Variants in TSGA10 observed in about 807,000 individuals in gnomAD.
TSGA10 encodes testis-specific gene 10 protein.
TSGA10 carries 43 observed loss-of-function variants against 96.6 expected under a neutral mutation model. The observed-to-expected ratio is 0.44, with a 90% CI of 0.35 to 0.57. The LOEUF (loss-of-function observed/expected upper bound fraction) is 0.57. TSGA10 is among the 20% of genes least tolerant of loss of function. TSGA10 has a pLI of 0.01. For synonymous variants in TSGA10, 229 were observed against 269.9 expected, an observed-to-expected ratio of 0.85 and a Z score of 1.48; for missense variants, 703 against 834.4, an observed-to-expected ratio of 0.84 and a Z score of 1.94.
At position 99,101,996 on chromosome 2, in the gene TSGA10, T is replaced by A. The variant is rs2090809267; in HGVS notation, c.611+1971A>T. On this transcript the variant is annotated intron_variant, in intron 10 of 20. Transcript: ENST00000393483. The stretch of plus-strand genomic sequence containing the variant: ...TGTTCTTACATTTAACAATACCGGA[T>A]TATACACTTAAAATTTTGTTAACAG... 3.8e-6 allele frequency: 4 copies of A among 1,059,088 alleles called. No individual in the cohort carries two copies. The Admixed American group carries it at 6.9e-5, about 18-fold the overall frequency. The allele number at this position is 1,059,088 out of a possible 1,614,324, so 65.6% of individuals were successfully genotyped here. A position where few individuals can be genotyped will look rare whatever the true frequency, so the allele number is the denominator to read the frequency against.
chr2:99,065,227 T>C, intron 15 of TSGA10, 103 bp from the exon 16 acceptor site: 1 of 1,276,568 alleles, frequency 7.8e-7, no homozygotes, highest in Non-Finnish European at 1.1e-6. Context: ...TGAGAAGCGT[T>C]TATAATAGAA....
At chr2:99,135,186 A>G (rs2093273265) in intron 1 of TSGA10, among the ~76,000 whole-genome samples, 2 of 152,094 alleles carry the variant, frequency 1.3e-5, no homozygotes, top group African/African-American at 4.8e-5. Context: ...ACCCACAGCC[A>G]CCCCTTCCCC....
chr2:99,094,593 C>G (rs1374664112), intron 10 of TSGA10, among the ~76,000 whole-genome samples: 1 of 152,056 alleles, frequency 6.6e-6, no homozygotes, highest in Non-Finnish European at 1.5e-5. Context: ...GGGCTAAGGA[C>G]ATGAATAGAT....
intron 20 of TSGA10, among the ~76,000 whole-genome samples, chr2:99,005,682 A>T (rs1165592559): frequency 5.3e-5 from 8 of 152,214 alleles, no homozygotes; most frequent in Non-Finnish European, 1.0e-4. Context: ...GCTCATGGGT[A>T]GGAAGAATCA....
In TSGA10 at chr2:99,109,771, T is replaced by C. The variant is rs181032221; in HGVS notation, c.-73-259A>G. Reference sequence around the variant, plus strand: ...GGTATGCTATATTTTAACTGAAAGATAATTTTGGAGAAAAAATGGTAAAGA... The same window carrying C: ...GGTATGCTATATTTTAACTGAAAGACAATTTTGGAGAAAAAATGGTAAAGA... On this transcript the variant is annotated intron_variant, in intron 5 of 20. Transcript: ENST00000393483. Among the ~76,000 whole-genome samples the C allele has an allele frequency of 2.6e-5, 4 of 152,296 alleles. No individual in the cohort carries two copies. The East Asian group carries it at 7.7e-4, about 29-fold the overall frequency.
rs191579780 is a variant in TSGA10 at position 99,013,493 on chromosome 2, C to T, written c.2072+4707G>A. ...GACTACAGGTGCCTGCCACCACGCC[C>T]GGCTAATTTTTTGTATTTTTAGTAG... On this transcript the variant is annotated intron_variant, in intron 20 of 20. Coordinates refer to ENST00000393483, the MANE Select transcript of TSGA10 (RefSeq NM_025244.4). 4.2e-3 allele frequency among the ~76,000 whole-genome samples: 643 copies of T among 151,416 alleles called. 5 individuals carry two copies. Among genetic ancestry groups the T allele is most frequent in the African/African-American group, 0.014 (594 of 41,366 alleles).
intron 2 of TSGA10, among the ~76,000 whole-genome samples, chr2:99,120,251 A>G (rs1267876496): frequency 6.6e-6 from 1 of 152,192 alleles, no homozygotes; most frequent in African/African-American, 2.4e-5. Context: ...ATATAAATGA[A>G]CACTCCCCTC....
intron 20 of TSGA10, among the ~76,000 whole-genome samples, chr2:99,003,761 A>C (rs901754460): frequency 1.3e-5 from 2 of 152,220 alleles, no homozygotes; most frequent in Non-Finnish European, 2.9e-5. Context: ...ATGAGAACAA[A>C]GACACAACAT....
chr2:99,142,858 G>A (rs559239090), intron 1 of TSGA10, among the ~76,000 whole-genome samples: 1 of 151,950 alleles, frequency 6.6e-6, no homozygotes, highest in African/African-American at 2.4e-5. Flanking sequence ...TCGGGGGTGG[G>A]GAGATTATTA....
At chr2:99,051,540 C>T (rs978427882) in intron 16 of TSGA10, among the ~76,000 whole-genome samples, 2 of 152,228 alleles carry the variant, frequency 1.3e-5, no homozygotes, top group Non-Finnish European at 2.9e-5. Flanking sequence ...CATATTCAGA[C>T]TTCAATACAG....
intron 20 of TSGA10, among the ~76,000 whole-genome samples, chr2:98,998,871 A>G (rs2077654483): frequency 6.6e-6 from 1 of 152,044 alleles, no homozygotes; most frequent in African/African-American, 2.4e-5. Context: ...ACTACTTGTG[A>G]GACTATAATC....
chr2:99,153,063 G>A (rs549760234), intron 1 of TSGA10, among the ~76,000 whole-genome samples: 1 of 152,174 alleles, frequency 6.6e-6, no homozygotes, highest in African/African-American at 2.4e-5. Context: ...CTGGCAAAGG[G>A]GACTGCGGAG....
At chr2:99,147,551 A>G (rs2093645128) in intron 1 of TSGA10, 1 of 1,472,554 alleles carries the variant, frequency 6.8e-7, no homozygotes, top group Non-Finnish European at 9.4e-7. Flanking sequence ...CAGTCCTTTT[A>G]TTAGATTGAA....
At chr2:99,144,031 G>GT (rs1490719123) in intron 1 of TSGA10, among the ~76,000 whole-genome samples, 4 of 150,464 alleles carry the variant, frequency 2.7e-5, no homozygotes, top group African/African-American at 7.3e-5. Flanking sequence ...TTTTTTGTTT[G>GT]TTTTTTTGAG....
At position 99,139,498 on chromosome 2, in the gene TSGA10, T is replaced by C. The variant is rs79209946; in HGVS notation, c.-620-12322A>G. ...CCACAAAAGCTTACTACAGTTGAGGTGGGTTTTTCTTTTTAAAAATATTGT... is the reference window on the plus strand; with the variant it reads ...CCACAAAAGCTTACTACAGTTGAGGCGGGTTTTTCTTTTTAAAAATATTGT... On this transcript the variant is annotated intron_variant, in intron 1 of 20. Transcript: ENST00000393483. Among the ~76,000 whole-genome samples, 259 of 152,254 alleles carry C rather than the reference T, an allele frequency of 1.7e-3. 6 individuals are homozygous for C. The East Asian group carries it at 0.044, about 26-fold the overall frequency.
chr2:99,018,573 TG>T lies in TSGA10; in HGVS notation c.1884del (p.Asp628GlufsTer7). 6.2e-7 allele frequency: 1 copy of T among 1,614,098 alleles called. No individual in the cohort carries two copies. Among genetic ancestry groups the T allele is most frequent in the Non-Finnish European group, 8.5e-7 (1 of 1,179,986 alleles). On this transcript the variant is annotated frameshift_variant, in exon 19 of 21. Coordinates refer to ENST00000393483, the MANE Select transcript of TSGA10 (RefSeq NM_025244.4). LOFTEE classifies it high-confidence loss of function. ...NVVTQLEADL[D>X]ITKRQLGTER... Reference sequence around the variant, plus strand: ...TCTGTTCCTAGTTGTCTTTTGGTAATGTCTAAATCAGCTTCCAATTGTGTGA... The same window carrying T: ...TCTGTTCCTAGTTGTCTTTTGGTAATTCTAAATCAGCTTCCAATTGTGTGA...
intron 7 of TSGA10, among the ~76,000 whole-genome samples, chr2:99,107,429 G>T (rs1270240513): frequency 2.0e-5 from 3 of 152,010 alleles, no homozygotes; most frequent in Non-Finnish European, 4.4e-5. Context: ...TTGTAAAAAT[G>T]ATACTTTGTT....
intron 1 of TSGA10, among the ~76,000 whole-genome samples, chr2:99,143,451 G>A (rs1025423816): frequency 2.7e-5 from 4 of 148,764 alleles, no homozygotes; most frequent in Admixed American, 2.7e-4. Flanking sequence ...GAGCCACTGC[G>A]CCCAGACTTT....
chr2:99,091,173 T>C (rs757171769), intron 10 of TSGA10, among the ~76,000 whole-genome samples: 1 of 152,200 alleles, frequency 6.6e-6, no homozygotes, highest in Non-Finnish European at 1.5e-5. Flanking sequence ...CCAGTGAAAC[T>C]AAGCTTCATA....
Sources: allele counts gnomAD v4.1 joint callset (sites outside exome capture counted in the v4.1 genomes callset), GRCh38; gene constraint gnomAD v4.1.1; transcripts MANE v1.5; gene names NCBI Gene and HGNC (gene_info 2026-07-23, HGNC 2026-07-21).